PAG1: variants seen among roughly 807,000 people sequenced by gnomAD.
PAG1 encodes phosphoprotein associated with glycosphingolipid-enriched microdomains 1.
Under a neutral mutation model 31.7 loss-of-function variants are expected in PAG1, and 23 were observed. The ratio of observed to expected loss-of-function variants is 0.73; its 90% CI spans 0.52 to 1.03. The LOEUF (loss-of-function observed/expected upper bound fraction) is 1.03, where lower values mean the gene tolerates loss of function less well. Ranked by LOEUF, PAG1 falls within the 50% of genes least tolerant of loss-of-function variation. The pLI, the probability that PAG1 is intolerant of heterozygous loss-of-function variation, is 0.00. For missense variants in PAG1, 473 were observed against 540.7 expected, an observed-to-expected ratio of 0.87 and a Z score of 1.24; for synonymous variants, 214 against 210.3, an observed-to-expected ratio of 1.02 and a Z score of -0.15.
intron 5 of PAG1, 28 bp downstream of exon 5, chr8:80,991,451 G>A: frequency 6.3e-7 from 1 of 1,587,184 alleles, no homozygotes; most frequent in Non-Finnish European, 8.7e-7. Flanking sequence ...CGCACGGACA[G>A]ACAGGCAGAC....
At chr8:81,101,222 C>G (rs1809605821) in intron 1 of PAG1, among the ~76,000 whole-genome samples, 3 of 152,128 alleles carry the variant, frequency 2.0e-5, no homozygotes, top group African/African-American at 7.2e-5. Context: ...ATATTGTATC[C>G]TTTTAATAAG....
intron 3 of PAG1, among the ~76,000 whole-genome samples, chr8:81,029,375 C>G (rs1808339371): frequency 6.6e-6 from 1 of 151,718 alleles, no homozygotes; most frequent in South Asian, 2.1e-4. Flanking sequence ...CACACACACA[C>G]ACACACACAC....
At chr8:81,004,475 G>T (rs1563625609) in intron 3 of PAG1, among the ~76,000 whole-genome samples, 1 of 152,266 alleles carries the variant, frequency 6.6e-6, no homozygotes, top group East Asian at 1.9e-4. Context: ...CCTACTATGT[G>T]CCAGGCACAA....
In PAG1 at chr8:81,050,370, T is replaced by A. The variant is rs193265394; in HGVS notation, c.-175+19742A>T. 2.6e-4 allele frequency among the ~76,000 whole-genome samples: 40 copies of A among 152,152 alleles called. 1 individual carries two copies. In the East Asian group the frequency reaches 7.3e-3, roughly 28 times the overall value. On this transcript the variant is annotated intron_variant, in intron 2 of 8. Transcript: ENST00000220597. Reference sequence around the variant, plus strand: ...AATAAAGCAAACTTAGATTTAAACATTCACAGGAAGAGTGGTAAGAAGGTG... The same window carrying A: ...AATAAAGCAAACTTAGATTTAAACAATCACAGGAAGAGTGGTAAGAAGGTG...
intron 2 of PAG1, among the ~76,000 whole-genome samples, chr8:81,059,830 A>T (rs1481981752): frequency 1.3e-5 from 2 of 152,120 alleles, no homozygotes; most frequent in African/African-American, 4.8e-5. Flanking sequence ...AGCCTGGCCA[A>T]CATGGTGAAA....
At position 80,976,591 on chromosome 8, in the gene PAG1, C is replaced by G. The variant is rs754126341; in HGVS notation, c.1252G>C (p.Glu418Gln). 5.6e-6 allele frequency: 9 copies of G among 1,613,852 alleles called. No homozygotes were observed. The African/African-American group carries it at 1.2e-4, about 22-fold the overall frequency. The part of the protein sequence containing the change: ...HGLVPKENDY[E>Q]SISDLQQGRD... Reference sequence around the variant, plus strand: ...CCTTGCTGCAAGTCACTTATGCTCTCGTAGTCGTTCTCCTTTGGGACGAGA... The same window carrying G: ...CCTTGCTGCAAGTCACTTATGCTCTGGTAGTCGTTCTCCTTTGGGACGAGA... Residue 418 changes from glutamate (E) to glutamine (Q), a missense_variant, in exon 9 of 9, where the codon GAG becomes CAG. Glu to Gln is a conservative substitution (Grantham distance 29, BLOSUM62 2). Coordinates refer to ENST00000220597, the MANE Select transcript of PAG1 (RefSeq NM_018440.4).
At chr8:81,080,541 AG>A (rs138481600) in intron 1 of PAG1, among the ~76,000 whole-genome samples, 3,634 of 152,254 alleles carry the variant, frequency 0.024, 71 homozygotes, top group Non-Finnish European at 0.039. Flanking sequence ...AGTAGTGGTA[AG>A]GACTGAGGCA....
At chr8:81,023,228 T>G (rs1808218575) in intron 3 of PAG1, among the ~76,000 whole-genome samples, 1 of 152,174 alleles carries the variant, frequency 6.6e-6, no homozygotes. Flanking sequence ...AACAGTGATG[T>G]GCTACTTAGT....
intron 2 of PAG1, among the ~76,000 whole-genome samples, chr8:81,068,999 T>C (rs975123902): frequency 1.3e-5 from 2 of 152,230 alleles, no homozygotes; most frequent in African/African-American, 4.8e-5. Context: ...TGAATCGAGA[T>C]TCTTGTCAAA....
Position 80,993,161 on chromosome 8 carries a change from C to G in PAG1, c.67G>C (p.Ala23Pro). ...MQITLWGSLA[A>P]VAIFFVITFL... ...GTGATGACGAAGAAAATGGCGACAG[C>G]AGCCAGACTTCCCCACAGGGTGATC... Residue 23 changes from alanine (A) to proline (P), a missense_variant, in exon 4 of 9, where the codon GCT becomes CCT. Coordinates refer to ENST00000220597, the MANE Select transcript of PAG1 (RefSeq NM_018440.4). 1 of 1,613,762 alleles carries G rather than the reference C, an allele frequency of 6.2e-7. No individual in the cohort carries two copies.
intron 2 of PAG1, among the ~76,000 whole-genome samples, chr8:81,058,358 A>C (rs188098566): frequency 1.3e-5 from 2 of 152,344 alleles, no homozygotes; most frequent in East Asian, 1.9e-4. Flanking sequence ...CAAATTAAAA[A>C]ATGCCAGGCA....
intron 1 of PAG1, among the ~76,000 whole-genome samples, chr8:81,094,566 T>TG (rs987077523): frequency 1.3e-4 from 20 of 152,130 alleles, no homozygotes; most frequent in Non-Finnish European, 2.1e-4. Flanking sequence ...ACTTCTTTTA[T>TG]GGGAAAAAGA....
chr8:81,091,841 AAG>A (rs1312424751), intron 1 of PAG1, among the ~76,000 whole-genome samples: 7 of 151,548 alleles, frequency 4.6e-5, no homozygotes, highest in African/African-American at 1.7e-4. Flanking sequence ...GAAGAAGAAG[AAG>A]AAAAAAAAAC....
chr8:80,986,785 A>G (rs757249760), intron 6 of PAG1, among the ~76,000 whole-genome samples: 1 of 136,222 alleles, frequency 7.3e-6, no homozygotes, highest in Non-Finnish European at 1.6e-5. Context: ...TGTAATCACA[A>G]GGGTCCCTAT....
At chr8:81,103,479 C>A (rs967527362) in intron 1 of PAG1, among the ~76,000 whole-genome samples, 1 of 152,092 alleles carries the variant, frequency 6.6e-6, no homozygotes, top group East Asian at 1.9e-4. Flanking sequence ...ATATGTATAA[C>A]GGGAGTGATT....
intron 1 of PAG1, among the ~76,000 whole-genome samples, chr8:81,091,999 C>CAA (rs35485848): frequency 4.4e-3 from 569 of 128,108 alleles, no homozygotes; most frequent in Non-Finnish European, 6.5e-3. Flanking sequence ...GACCTTGTCT[C>CAA]AAAAAAAAAA....
rs565207838 is a variant in PAG1, at chr8:80,974,251, G to C, written c.*2293C>G. On this transcript the variant is annotated 3_prime_UTR_variant, in exon 9 of 9. Coordinates refer to ENST00000220597, the MANE Select transcript of PAG1 (RefSeq NM_018440.4). ...ATGAAACAAAAGTTTTGAGCTGTAA[G>C]GTGCCTATAAAGGATGTCACTACAG... 1.6e-4 allele frequency: 24 copies of C among 148,882 alleles called. No individual in the cohort carries two copies. The highest frequency in any genetic ancestry group is 6.1e-4 in the Admixed American group (9 of 14,706). 9.2% of individuals were successfully genotyped at this position (148,882 alleles called of 1,614,324 possible).
chr8:81,086,512 CGTGT>C (rs146900369), intron 1 of PAG1, among the ~76,000 whole-genome samples: 3 of 149,918 alleles, frequency 2.0e-5, no homozygotes, highest in East Asian at 2.0e-4. Context: ...TGTGCGCGCG[CGTGT>C]GTGTGTGTGT....
chr8:81,018,554 C>T (rs967143500), intron 3 of PAG1, among the ~76,000 whole-genome samples: 2 of 152,314 alleles, frequency 1.3e-5, no homozygotes, highest in Non-Finnish European at 2.9e-5. Flanking sequence ...ATCATAGGGG[C>T]AGGTCTTTCC....
Sources: gnomAD v4.1 joint callset for allele counts (sites outside exome capture counted in the v4.1 genomes callset) on GRCh38, gnomAD v4.1.1 for gene constraint, MANE v1.5 for transcripts, NCBI Gene and HGNC (gene_info 2026-07-23, HGNC 2026-07-21) for gene names.